Variants in ADAMTSL1 observed in about 807,000 individuals in gnomAD.
The protein encoded by ADAMTSL1 is ADAMTS-like protein 1.
ADAMTSL1 carries 126 observed loss-of-function variants against 201.8 expected under a neutral mutation model. The observed-to-expected ratio is 0.62, with a 90% confidence interval of 0.54 to 0.72. The LOEUF is 0.72. Among genes scored for constraint, ADAMTSL1 ranks in the 30% least tolerant of loss-of-function variants. The pLI is 0.00. For missense variants in ADAMTSL1, 2,679 were observed against 2,277.8 expected, an observed-to-expected ratio of 1.18 and a Z score of -3.59; for synonymous variants, 1,121 against 903.4, an observed-to-expected ratio of 1.24 and a Z score of -4.32.
At chr9:18,187,011 G>A (rs572549742) in intron 2 of ADAMTSL1, among the ~76,000 whole-genome samples, 1 of 152,240 alleles carries the variant, frequency 6.6e-6, no homozygotes, top group South Asian at 2.1e-4. Context: ...ATACTTCAGT[G>A]GAAAGATAGC....
chr9:18,788,440 C>G (rs1287600230), intron 19 of ADAMTSL1, among the ~76,000 whole-genome samples: 1 of 151,138 alleles, frequency 6.6e-6, no homozygotes, highest in Non-Finnish European at 1.5e-5. Flanking sequence ...CAACTAGGCC[C>G]CGGTAGATTC....
At chr9:17,943,823 T>C (rs1316383526) in intron 1 of ADAMTSL1, among the ~76,000 whole-genome samples, 2 of 152,064 alleles carry the variant, frequency 1.3e-5, no homozygotes, top group Non-Finnish European at 2.9e-5. Context: ...TTGCAGGCTA[T>C]ACAGAAAGCA....
At chr9:18,889,026 G>A (rs983611516) in intron 24 of ADAMTSL1, among the ~76,000 whole-genome samples, 1 of 152,160 alleles carries the variant, frequency 6.6e-6, no homozygotes, top group African/African-American at 2.4e-5. Flanking sequence ...GTGAGTCCCA[G>A]ACCCCCAAAG....
intron 16 of ADAMTSL1, among the ~76,000 whole-genome samples, chr9:18,755,714 T>C (rs1819710684): frequency 6.6e-6 from 1 of 152,124 alleles, no homozygotes; most frequent in African/African-American, 2.4e-5. Flanking sequence ...TATTCTTAAA[T>C]TTTCATCTAC....
chr9:18,314,748 C>CCAGT (rs1229466920), intron 2 of ADAMTSL1, among the ~76,000 whole-genome samples: 1 of 146,492 alleles, frequency 6.8e-6, no homozygotes, highest in African/African-American at 2.5e-5. Flanking sequence ...GAAGGGGACC[C>CCAGT]CAGTGGGTTG....
intron 3 of ADAMTSL1, among the ~76,000 whole-genome samples, chr9:18,546,288 G>T (rs1820461244): frequency 6.6e-6 from 1 of 152,062 alleles, no homozygotes; most frequent in Non-Finnish European, 1.5e-5. Flanking sequence ...ACAGTGGGAA[G>T]GCTAAAGAGG....
chr9:18,299,024 T>TAAA (rs1168294541), intron 2 of ADAMTSL1, among the ~76,000 whole-genome samples: 1 of 122,554 alleles, frequency 8.2e-6, no homozygotes, highest in Admixed American at 9.2e-5. Context: ...AAAAAAAAAA[T>TAAA]AATAATAATA....
chr9:18,538,321 A>G (rs13300724), intron 3 of ADAMTSL1, among the ~76,000 whole-genome samples: 94,131 of 151,886 alleles, frequency 0.62, 29,306 homozygotes, highest in East Asian at 0.79. Context: ...TTGTTGTGTG[A>G]AACAGGAGGC....
chr9:18,296,911 T>G (rs1833499750), intron 2 of ADAMTSL1, among the ~76,000 whole-genome samples: 1 of 152,200 alleles, frequency 6.6e-6, no homozygotes, highest in African/African-American at 2.4e-5. Flanking sequence ...TCTCAGAGGC[T>G]TAAACAATAG....
chr9:18,106,404 G>T (rs1013523240), intron 1 of ADAMTSL1, among the ~76,000 whole-genome samples: 2 of 152,186 alleles, frequency 1.3e-5, no homozygotes, highest in African/African-American at 2.4e-5. Flanking sequence ...AGAGAGCTTT[G>T]TTTGCCCACA....
At chr9:18,232,136 G>T (rs574373473) in intron 2 of ADAMTSL1, among the ~76,000 whole-genome samples, 6 of 152,054 alleles carry the variant, frequency 3.9e-5, no homozygotes, top group Non-Finnish European at 7.4e-5. Flanking sequence ...TCCTATTTAC[G>T]CACTGACCTT....
At chr9:18,788,824 C>A (rs563915609) in intron 19 of ADAMTSL1, among the ~76,000 whole-genome samples, 13 of 150,926 alleles carry the variant, frequency 8.6e-5, no homozygotes, top group African/African-American at 3.2e-4. Flanking sequence ...AGCTCTAACT[C>A]ATTTGCTCTT....
At chr9:18,494,540 T>A (rs1414664571) in intron 1 of ADAMTSL1, among the ~76,000 whole-genome samples, 1 of 152,114 alleles carries the variant, frequency 6.6e-6, no homozygotes, top group Non-Finnish European at 1.5e-5. Flanking sequence ...ACCCGATTAC[T>A]AGATGTCCTC....
intron 2 of ADAMTSL1, among the ~76,000 whole-genome samples, chr9:18,318,941 G>T (rs1268103729): frequency 6.6e-6 from 1 of 152,192 alleles, no homozygotes; most frequent in Non-Finnish European, 1.5e-5. Flanking sequence ...GGGCACAGTG[G>T]CTCATGCCTG....
In ADAMTSL1 at chr9:17,967,581, G is replaced by A. The variant is rs574973884; in HGVS notation, c.87+60659G>A. 4.7e-3 allele frequency among the ~76,000 whole-genome samples: 714 copies of A among 152,154 alleles called. 5 individuals carry two copies. The highest frequency in any genetic ancestry group is 0.016 in the African/African-American group (683 of 41,550). ...TATAGATGACAAAAAAGAGGCTTAG[G>A]AAGATTAAATATTTCCAATATAGAT... is the stretch of plus-strand genomic sequence containing the variant. On this transcript the variant is annotated intron_variant, in intron 1 of 29. Coordinates refer to the ADAMTSL1 transcript ENST00000680146.
intron 2 of ADAMTSL1, among the ~76,000 whole-genome samples, chr9:18,216,848 C>T (rs1362671447): frequency 6.6e-6 from 1 of 152,038 alleles, no homozygotes; most frequent in Non-Finnish European, 1.5e-5. Flanking sequence ...TAGTTGAGAG[C>T]AAAAACGCTG....
chr9:18,527,999 T>C (rs1047937320), intron 2 of ADAMTSL1, among the ~76,000 whole-genome samples: 4 of 152,114 alleles, frequency 2.6e-5, no homozygotes, highest in Admixed American at 2.6e-4. Flanking sequence ...TGCCTCAGCC[T>C]CCTGAGTAGC....
intron 8 of ADAMTSL1, among the ~76,000 whole-genome samples, chr9:18,659,642 C>T (rs1206473372): frequency 6.6e-6 from 1 of 152,168 alleles, no homozygotes; most frequent in Non-Finnish European, 1.5e-5. Flanking sequence ...TGGCGCGAGC[C>T]TGTAATCCCA....
chr9:18,065,285 T>C (rs1010972904), intron 1 of ADAMTSL1, among the ~76,000 whole-genome samples: 2 of 152,278 alleles, frequency 1.3e-5, no homozygotes, highest in Non-Finnish European at 2.9e-5. Flanking sequence ...GCTATTGTGT[T>C]GGCTGGCAAT....
Sources: gnomAD v4.1 joint callset for allele counts (sites outside exome capture counted in the v4.1 genomes callset) on GRCh38, gnomAD v4.1.1 for gene constraint, MANE v1.5 for transcripts, NCBI Gene and HGNC (gene_info 2026-07-23, HGNC 2026-07-21) for gene names.